The following COMT variants were observed in gnomAD, a reference collection of about 807,000 sequenced individuals.
COMT encodes the protein catechol O-methyltransferase.
In COMT, 13 loss-of-function variants were observed where a neutral mutation model predicts 18.9. The observed-to-expected ratio is 0.69, with a 90% CI of 0.45 to 1.09. The LOEUF (loss-of-function observed/expected upper bound fraction) is 1.09. Among genes scored for constraint, COMT ranks in the 50% least tolerant of loss-of-function variants. The pLI is 0.00. For missense variants in COMT, 329 were observed against 361.8 expected (o/e 0.91, Z 0.73); for synonymous variants, 150 against 160.9 (o/e 0.93, Z 0.51).
At chr22:19,947,978 T>G (rs1941866894) in intron 1 of COMT, among the ~76,000 whole-genome samples, 1 of 152,214 alleles carries the variant, frequency 6.6e-6, no homozygotes, top group Admixed American at 6.5e-5. Context: ...CACGCTTGTC[T>G]TCTGGTCACT....
chr22:19,954,355 C>CT (rs1942015202), intron 1 of COMT, among the ~76,000 whole-genome samples: 1 of 152,248 alleles, frequency 6.6e-6, no homozygotes, highest in South Asian at 2.1e-4. Flanking sequence ...ACACCAGCCC[C>CT]TTTCCCTATG....
chr22:19,958,134 T>G (rs1037593865), intron 1 of COMT, among the ~76,000 whole-genome samples: 2 of 151,608 alleles, frequency 1.3e-5, no homozygotes, highest in African/African-American at 2.4e-5. Flanking sequence ...TTTTAAGAAT[T>G]TTTTAATATT....
intron 1 of COMT, among the ~76,000 whole-genome samples, chr22:19,956,120 CTTTTTTTTCTTTTTTTCTTTTTTTT>C (rs1942051943): frequency 1.5e-5 from 2 of 131,254 alleles, no homozygotes; most frequent in Non-Finnish European, 1.6e-5. Flanking sequence ...ATCTTTCTTT[CTTTTTTTTCTTTTTTTCTTTTTTTT>C]TTTTTTTTTT....
At chr22:19,954,107 G>A (rs965948675) in intron 1 of COMT, among the ~76,000 whole-genome samples, 3 of 152,066 alleles carry the variant, frequency 2.0e-5, no homozygotes, top group Non-Finnish European at 4.4e-5. Flanking sequence ...CCTTGCATCT[G>A]CCTCTTGGTG....
chr22:19,953,590 G>A (rs933803694), intron 1 of COMT, among the ~76,000 whole-genome samples: 1 of 152,190 alleles, frequency 6.6e-6, no homozygotes, highest in African/African-American at 2.4e-5. Context: ...ACTGCACCCA[G>A]CCGGCTTTGT....
chr22:19,964,485 G>A, intron 5 of COMT, 186 bp downstream of exon 5: 2 of 891,946 alleles, frequency 2.2e-6, no homozygotes, highest in Non-Finnish European at 3.6e-6. Flanking sequence ...GGAGATGGGT[G>A]GGGAGCTGGG....
intron 1 of COMT, among the ~76,000 whole-genome samples, chr22:19,944,022 C>T (rs1941795236): frequency 6.6e-6 from 1 of 152,180 alleles, no homozygotes; most frequent in East Asian, 1.9e-4. Flanking sequence ...CTTCAGTCTG[C>T]AGGGCTGTTT....
intron 1 of COMT, chr22:19,950,855 C>G (rs1197873083): frequency 1.3e-5 from 2 of 152,166 alleles, no homozygotes; most frequent in Non-Finnish European, 2.9e-5. Context: ...CAGACAGAGG[C>G]GCACTTGTTC....
intron 1 of COMT, among the ~76,000 whole-genome samples, chr22:19,944,288 G>A (rs1941798837): frequency 1.3e-5 from 2 of 152,256 alleles, no homozygotes; most frequent in Admixed American, 6.5e-5. Flanking sequence ...GCTCATGCCT[G>A]TAATCCCAAG....
At chr22:19,962,925 C>T in intron 3 of COMT, 110 bp downstream of exon 3, 1 of 1,383,382 alleles carries the variant, frequency 7.2e-7, no homozygotes, top group Non-Finnish European at 9.8e-7. Context: ...GGCTGGGAAC[C>T]CTGGGATATG....
At position 19,969,500 on chromosome 22, in the gene COMT, C is replaced by T. The variant is rs165728; in HGVS notation, c.*764C>T. 0.91 allele frequency: 139,097 copies of T among 152,212 alleles called. 64,060 individuals carry two copies. The highest frequency in any genetic ancestry group is 0.95 in the Middle Eastern group (279 of 294). The allele number at this position is 152,212 out of a possible 1,614,324, so 9.4% of individuals were successfully genotyped here. A position where few individuals can be genotyped will look rare whatever the true frequency, so the allele number is the denominator to read the frequency against. On this transcript the variant is annotated 3_prime_UTR_variant, in exon 6 of 6. Transcript: ENST00000361682. ...AGTGAGGATGCAGTGCTGGTTTCTG[C>T]CCACCTACACCTAGAGCTGTCCCCA...
intron 5 of COMT, among the ~76,000 whole-genome samples, chr22:19,966,526 A>G (rs1375520344): frequency 2.0e-5 from 3 of 148,134 alleles, no homozygotes; most frequent in African/African-American, 7.5e-5. Context: ...CTGTAGCCTC[A>G]AACTCCTGAG....
chr22:19,966,694 A>C (rs1389850083), intron 5 of COMT, among the ~76,000 whole-genome samples: 1 of 151,594 alleles, frequency 6.6e-6, no homozygotes, highest in Admixed American at 6.6e-5. Flanking sequence ...TCTTGCCTCA[A>C]CCTCCCAAAG....
At chr22:19,956,145 T>TC (rs1228294268) in intron 1 of COMT, among the ~76,000 whole-genome samples, 4 of 121,084 alleles carry the variant, frequency 3.3e-5, no homozygotes, top group African/African-American at 1.3e-4. Context: ...TTCTTTTTTT[T>TC]TTTTTTTTTT....
At chr22:19,967,134 C>T in intron 5 of COMT, 1 of 1,293,776 alleles carries the variant, frequency 7.7e-7, no homozygotes, top group Non-Finnish European at 1.0e-6. Flanking sequence ...TTCTGCCCTT[C>T]CCTCCTTCTT....
At chr22:19,960,934 C>T (rs1942178326) in intron 1 of COMT, among the ~76,000 whole-genome samples, 1 of 152,230 alleles carries the variant, frequency 6.6e-6, no homozygotes, top group South Asian at 2.1e-4. Flanking sequence ...CACACATAGC[C>T]CACAGGGCAG....
chr22:19,954,022 A>G (rs1326706343), intron 1 of COMT, among the ~76,000 whole-genome samples: 2 of 152,172 alleles, frequency 1.3e-5, no homozygotes, highest in African/African-American at 2.4e-5. Flanking sequence ...CCCCACAGGC[A>G]GGGATGGCCC....
Position 19,968,558 on chromosome 22 carries a change from G to A in COMT, c.638G>A (p.Gly213Glu), listed in dbSNP as rs750159038. 11 of 1,614,070 alleles carry A rather than the reference G, an allele frequency of 6.8e-6. No homozygotes were observed. Among genetic ancestry groups the A allele is most frequent in the South Asian group, 2.2e-5 (2 of 91,082 alleles). The change falls in exon 6 of 6, where the codon GGG becomes GAG. Residue 213 changes from glycine to glutamate, a missense_variant. Gly to Glu is a moderately conservative substitution (Grantham distance 98, BLOSUM62 -2). Transcript: ENST00000361682. ...LLEECGLLRKGTVLLADNVIC... is the reference protein window; with the variant it reads ...LLEECGLLRKETVLLADNVIC... Reference sequence around the variant, plus strand: ...CAGGAATGTGGCCTGCTGCGGAAGGGGACAGTGCTACTGGCTGACAACGTG... The same window carrying A: ...CAGGAATGTGGCCTGCTGCGGAAGGAGACAGTGCTACTGGCTGACAACGTG...
intron 1 of COMT, among the ~76,000 whole-genome samples, chr22:19,958,577 A>T (rs1298516880): frequency 2.5e-4 from 6 of 24,272 alleles, no homozygotes; most frequent in Middle Eastern, 0.013. Flanking sequence ...ATTTTCCTTA[A>T]AAAAAAAAAA....
Sources: allele counts gnomAD v4.1 joint callset (sites outside exome capture counted in the v4.1 genomes callset), GRCh38; gene constraint gnomAD v4.1.1; transcripts MANE v1.5; gene names NCBI Gene and HGNC (gene_info 2026-07-23, HGNC 2026-07-21).